Variants in CACNB4 observed in about 807,000 individuals in gnomAD.
CACNB4 encodes the protein voltage-dependent L-type calcium channel subunit beta-4.
A neutral mutation model predicts 71.2 loss-of-function variants in CACNB4; 32 were observed. That is an observed-to-expected ratio of 0.45 (90% CI 0.34 to 0.60). CACNB4 has a LOEUF of 0.60. CACNB4 is among the 20% of genes least tolerant of loss of function. The pLI, the probability that CACNB4 is intolerant of heterozygous loss-of-function variation, is 0.01. For synonymous variants in CACNB4, 231 were observed against 236.9 expected (o/e 0.97, Z 0.23); for missense variants, 464 against 647.9 (o/e 0.72, Z 3.08).
chr2:152,045,059 C>T (rs1415988900), intron 2 of CACNB4, among the ~76,000 whole-genome samples: 1 of 151,990 alleles, frequency 6.6e-6, no homozygotes, highest in Non-Finnish European at 1.5e-5. Flanking sequence ...CTTACAATTT[C>T]AAGCCAGAAA....
At position 151,993,909 on chromosome 2, in the gene CACNB4, T is replaced by C. The variant is rs182655996; in HGVS notation, c.147+104421A>G. Among the ~76,000 whole-genome samples, 723 of 149,018 alleles carry C rather than the reference T, an allele frequency of 4.9e-3. 2 individuals carry two copies. The highest frequency in any genetic ancestry group is 0.012 in the South Asian group (54 of 4,338). ...AAAAGTGGCCAGGCACAGTGGCTCA[T>C]GCCTGTAATCCCAGCACTTTGGGAG... On this transcript the variant is annotated intron_variant, in intron 2 of 13. Transcript: ENST00000539935.
At chr2:152,004,864 C>A (rs1682635211) in intron 2 of CACNB4, among the ~76,000 whole-genome samples, 1 of 152,160 alleles carries the variant, frequency 6.6e-6, no homozygotes, top group Admixed American at 6.5e-5. Flanking sequence ...AAGGCAGAGC[C>A]ACAGCGGCGT....
intron 12 of CACNB4, among the ~76,000 whole-genome samples, chr2:151,849,955 A>T (rs1184670053): frequency 6.6e-6 from 1 of 152,110 alleles, no homozygotes; most frequent in Non-Finnish European, 1.5e-5. Context: ...CACACTGTCT[A>T]TGTTTGCTTT....
chr2:152,024,048 A>T (rs1431685434), intron 2 of CACNB4, among the ~76,000 whole-genome samples: 1 of 152,212 alleles, frequency 6.6e-6, no homozygotes, highest in Admixed American at 6.5e-5. Flanking sequence ...GGCTGGGCAC[A>T]GTGGCTCACG....
intron 2 of CACNB4, among the ~76,000 whole-genome samples, chr2:152,009,652 C>T (rs562152903): frequency 3.3e-5 from 5 of 152,266 alleles, no homozygotes; most frequent in Non-Finnish European, 5.9e-5. Context: ...CAGCAGCAAA[C>T]GTGCAGGAAG....
At chr2:152,056,038 G>A (rs114998328) in intron 2 of CACNB4, among the ~76,000 whole-genome samples, 3 of 152,084 alleles carry the variant, frequency 2.0e-5, no homozygotes, top group African/African-American at 7.2e-5. Context: ...ATACCAATTG[G>A]TTCATCAATA....
chr2:151,847,380 A>C (rs1221977932), intron 12 of CACNB4, among the ~76,000 whole-genome samples: 1 of 152,106 alleles, frequency 6.6e-6, no homozygotes, highest in Non-Finnish European at 1.5e-5. Flanking sequence ...ACAAAACAAA[A>C]CAAACCATGC....
chr2:151,893,568 A>C (rs191114408), intron 2 of CACNB4, among the ~76,000 whole-genome samples: 10 of 152,258 alleles, frequency 6.6e-5, no homozygotes, highest in African/African-American at 2.2e-4. Flanking sequence ...AATAAATTAT[A>C]GATGAAGAGA....
Position 151,860,694 on chromosome 2 carries a change from A to G in CACNB4, c.868+17T>C, listed in dbSNP as rs749342429. The G allele has an allele frequency of 2.0e-6, 3 of 1,529,006 alleles. No homozygotes were observed. Among genetic ancestry groups the G allele is most frequent in the Non-Finnish European group, 2.7e-6 (3 of 1,102,406 alleles). 94.7% of individuals were successfully genotyped at this position (1,529,006 alleles called of 1,614,324 possible). ...TGTAAGCACAGCTTGAAGAAGTACC[A>G]CATTTGAACATCTTACCTAAGCTGG... On this transcript the variant is annotated intron_variant, in intron 10 of 13. Coordinates refer to ENST00000539935, the MANE Select transcript of CACNB4 (RefSeq NM_000726.5).
chr2:151,861,849 A>AAAAAAAAAAC (rs1299720623), intron 9 of CACNB4: 1 of 151,638 alleles, frequency 6.6e-6, no homozygotes, highest in African/African-American at 2.4e-5. Context: ...TCTCAAAAAA[A>AAAAAAAAAAC]AAAAAAAAAC....
intron 13 of CACNB4, among the ~76,000 whole-genome samples, chr2:151,840,744 G>A (rs1408363898): frequency 6.6e-6 from 1 of 152,120 alleles, no homozygotes; most frequent in East Asian, 1.9e-4. Flanking sequence ...TTCAGAGAGT[G>A]CCATTTATCT....
intron 13 of CACNB4, among the ~76,000 whole-genome samples, chr2:151,841,279 A>G (rs564396118): frequency 2.6e-5 from 4 of 152,298 alleles, no homozygotes; most frequent in African/African-American, 7.2e-5. Flanking sequence ...TGGCATTAAG[A>G]AGTAATGGAG....
chr2:151,883,386 G>A lies in CACNB4; in HGVS notation c.148-16C>T. The A allele has an allele frequency of 6.2e-7, 1 of 1,613,414 alleles. No homozygotes were observed. The highest frequency in any genetic ancestry group is 8.5e-7 in the Non-Finnish European group (1 of 1,179,464). On this transcript the variant is annotated splice_polypyrimidine_tract_variant and intron_variant, in intron 2 of 13. Coordinates refer to ENST00000539935, the MANE Select transcript of CACNB4 (RefSeq NM_000726.5). ...CCGCTGAACCCTGGCAAAGAAAATA[G>A]AATAGTTTCAGATGATGTGTAGCTT...
intron 2 of CACNB4, among the ~76,000 whole-genome samples, chr2:152,059,838 C>A (rs147222087): frequency 1.2e-4 from 19 of 152,204 alleles, no homozygotes; most frequent in Non-Finnish European, 1.5e-5. Context: ...GCAATCCACA[C>A]ATGTCTAGGG....
Position 151,880,850 on chromosome 2 carries a change from G to C in CACNB4, c.340C>G (p.Pro114Ala). ...CGALDEDVPV[P>A]STAISFDAKD... ...GCATCAAAGGAGATAGCTGTGCTTG[G>C]AACAGGCACATCCTCGTCCAGGGCG... The change falls in exon 4 of 14, where the codon CCA becomes GCA. Residue 114 changes from proline to alanine, a missense_variant. Physicochemically the swap from Pro to Ala is conservative, Grantham distance 27. Around this residue, in one of 3 missense-constraint regions of CACNB4, gnomAD observed 299 missense variants for 471.7 expected, o/e 0.63. Coordinates refer to ENST00000539935, the MANE Select transcript of CACNB4 (RefSeq NM_000726.5). 1 of 1,613,314 alleles carries C rather than the reference G, an allele frequency of 6.2e-7. No homozygotes were observed. Among genetic ancestry groups the C allele is most frequent in the Non-Finnish European group, 8.5e-7 (1 of 1,179,398 alleles).
chr2:151,881,368 G>A (rs544859633), intron 3 of CACNB4, among the ~76,000 whole-genome samples: 16 of 152,282 alleles, frequency 1.1e-4, no homozygotes, highest in East Asian at 3.9e-4. Flanking sequence ...ATCTGAAAAC[G>A]TGTGGGATTC....
At chr2:152,019,068 G>A (rs748617577) in intron 2 of CACNB4, among the ~76,000 whole-genome samples, 13 of 152,110 alleles carry the variant, frequency 8.5e-5, no homozygotes, top group Non-Finnish European at 1.5e-4. Flanking sequence ...GTCCTCTGCT[G>A]CTTGGAAAAT....
intron 2 of CACNB4, among the ~76,000 whole-genome samples, chr2:152,064,132 T>C (rs149472966): frequency 1.4e-4 from 21 of 152,314 alleles, no homozygotes; most frequent in African/African-American, 4.6e-4. Context: ...AGTTTAGGTC[T>C]AGCTATGTCT....
chr2:152,004,013 G>C (rs1054149652), intron 2 of CACNB4, among the ~76,000 whole-genome samples: 14 of 151,980 alleles, frequency 9.2e-5, no homozygotes, highest in Non-Finnish European at 1.8e-4. Flanking sequence ...CTGGTGACAG[G>C]ATCTCGTTGT....
Sources: allele counts gnomAD v4.1 joint callset (sites outside exome capture counted in the v4.1 genomes callset), GRCh38; gene constraint gnomAD v4.1.1; regional missense constraint gnomAD v4.1.1; transcripts MANE v1.5; gene names NCBI Gene and HGNC (gene_info 2026-07-23, HGNC 2026-07-21).